The following GRM7 variants were observed in gnomAD, a reference collection of about 807,000 sequenced individuals.
GRM7 encodes glutamate metabotropic receptor 7.
In GRM7, 35 loss-of-function variants were observed where a neutral mutation model predicts 84.5. The observed-to-expected ratio is 0.41, with a 90% CI of 0.32 to 0.55. The LOEUF is 0.55. GRM7 is among the 20% of genes least tolerant of loss of function. The pLI is 0.19. For missense variants in GRM7, 1,003 were observed against 1,194.6 expected (o/e 0.84, Z 2.36); for synonymous variants, 487 against 455.1 (o/e 1.07, Z -0.89).
chr3:7,655,451 A>G (rs1483100993), intron 8 of GRM7, among the ~76,000 whole-genome samples: 39 of 152,190 alleles, frequency 2.6e-4, no homozygotes, highest in Admixed American at 2.6e-3. Flanking sequence ...AATTAAAACC[A>G]TGAATCCAAA....
chr3:7,330,728 G>A lies in GRM7; in HGVS notation c.1033+24076G>A, dbSNP rs763763020. On this transcript the variant is annotated intron_variant, in intron 4 of 9. Transcript: ENST00000357716. ...TGAGGCCTCCCCAGCCACGTGGAAC[G>A]TGAGTTCATTAAAACTCTTTTTCTT... Among the ~76,000 whole-genome samples, 13 of 152,274 alleles carry A rather than the reference G, an allele frequency of 8.5e-5. No individual in the cohort carries two copies. The East Asian group carries it at 9.7e-4, about 11-fold the overall frequency.
At chr3:7,083,422 C>T (rs1698335642) in intron 1 of GRM7, among the ~76,000 whole-genome samples, 1 of 152,132 alleles carries the variant, frequency 6.6e-6, no homozygotes, top group African/African-American at 2.4e-5. Context: ...TTTTCCTGTG[C>T]ACTGGGAAAC....
At chr3:7,465,777 C>T (rs930721106) in intron 7 of GRM7, among the ~76,000 whole-genome samples, 4 of 152,024 alleles carry the variant, frequency 2.6e-5, no homozygotes, top group African/African-American at 9.7e-5. Context: ...TCAGTAATTG[C>T]AAATGAATTT....
At chr3:6,966,908 C>T (rs1693541013) in intron 1 of GRM7, among the ~76,000 whole-genome samples, 1 of 152,124 alleles carries the variant, frequency 6.6e-6, no homozygotes, top group Admixed American at 6.5e-5. Flanking sequence ...GAGGCTTAAC[C>T]TCTTTCACCT....
At chr3:7,415,594 T>G (rs1396037640) in intron 5 of GRM7, among the ~76,000 whole-genome samples, 3 of 152,178 alleles carry the variant, frequency 2.0e-5, no homozygotes, top group Non-Finnish European at 4.4e-5. Flanking sequence ...TGATTTTCAT[T>G]AATGTCTAAG....
At chr3:7,313,412 G>C (rs2125044298) in intron 4 of GRM7, among the ~76,000 whole-genome samples, 1 of 152,222 alleles carries the variant, frequency 6.6e-6, no homozygotes, top group East Asian at 1.9e-4. Flanking sequence ...ATCTACATTA[G>C]TATTTGTTCT....
intron 1 of GRM7, among the ~76,000 whole-genome samples, chr3:6,930,566 G>C (rs1043491279): frequency 6.6e-6 from 1 of 151,956 alleles, no homozygotes; most frequent in African/African-American, 2.4e-5. Flanking sequence ...TCTGAGTTTA[G>C]CTCTTACTAA....
At chr3:7,069,061 A>G (rs1011199432) in intron 1 of GRM7, among the ~76,000 whole-genome samples, 1 of 149,820 alleles carries the variant, frequency 6.7e-6, no homozygotes, top group Non-Finnish European at 1.5e-5. Flanking sequence ...ACATAATTTT[A>G]TATATATATA....
chr3:7,676,340 A>C (rs917086418), intron 8 of GRM7, among the ~76,000 whole-genome samples: 9 of 152,158 alleles, frequency 5.9e-5, no homozygotes, highest in African/African-American at 1.7e-4. Flanking sequence ...TACCTCTGAG[A>C]TCTCTGTGGA....
At chr3:7,508,977 T>C (rs1257273682) in intron 7 of GRM7, among the ~76,000 whole-genome samples, 1 of 152,130 alleles carries the variant, frequency 6.6e-6, no homozygotes, top group African/African-American at 2.4e-5. Flanking sequence ...CTTTTCAAAG[T>C]TTCAATGACC....
chr3:7,730,408 A>G (rs1702283332), intron 9 of GRM7, among the ~76,000 whole-genome samples: 1 of 152,208 alleles, frequency 6.6e-6, no homozygotes, highest in Non-Finnish European at 1.5e-5. Context: ...ACATGGCTAC[A>G]TCCCTATTGC....
At chr3:7,632,056 A>G (rs3864066) in intron 8 of GRM7, among the ~76,000 whole-genome samples, 107,752 of 152,046 alleles carry the variant, frequency 0.71, 38,477 homozygotes, top group South Asian at 0.79. Context: ...AGAAAGAACA[A>G]TACACAGGCC....
intron 4 of GRM7, among the ~76,000 whole-genome samples, chr3:7,369,087 C>T (rs1694029341): frequency 6.6e-6 from 1 of 152,048 alleles, no homozygotes; most frequent in Non-Finnish European, 1.5e-5. Flanking sequence ...GAGGCAGGGT[C>T]TTTCTCTGTC....
intron 1 of GRM7, among the ~76,000 whole-genome samples, chr3:6,888,000 C>T (rs1189301951): frequency 4.6e-5 from 7 of 152,130 alleles, no homozygotes; most frequent in Non-Finnish European, 8.8e-5. Context: ...AGCATTTTTT[C>T]ATGTGTTTTT....
intron 9 of GRM7, among the ~76,000 whole-genome samples, chr3:7,736,040 A>G (rs1407565691): frequency 6.6e-5 from 10 of 152,106 alleles, no homozygotes; most frequent in Admixed American, 6.5e-4. Flanking sequence ...ACACCCACCA[A>G]TGCTTGGTAT....
At position 7,367,392 on chromosome 3, in the gene GRM7, T is replaced by C. The variant is rs550494326; in HGVS notation, c.1034-47631T>C. 4.6e-5 allele frequency among the ~76,000 whole-genome samples: 7 copies of C among 152,020 alleles called. No individual in the cohort carries two copies. In the South Asian group the frequency reaches 6.2e-4, roughly 14 times the overall value. ...GGTATTTTGTTTGTAAGAATGGTAATGGTCTAAAACCTAAATAAATCCAAC... is the reference window on the plus strand; with the variant it reads ...GGTATTTTGTTTGTAAGAATGGTAACGGTCTAAAACCTAAATAAATCCAAC... On this transcript the variant is annotated intron_variant, in intron 4 of 9. Coordinates refer to ENST00000357716, the MANE Select transcript of GRM7 (RefSeq NM_000844.4).
chr3:7,658,295 T>C (rs965456281), intron 8 of GRM7, among the ~76,000 whole-genome samples: 2 of 152,228 alleles, frequency 1.3e-5, no homozygotes, highest in African/African-American at 2.4e-5. Flanking sequence ...GCTCACTGTA[T>C]AGCTTTTGAG....
intron 9 of GRM7, among the ~76,000 whole-genome samples, chr3:7,719,779 AACACACACACACACACACACACAC>A (rs71043692): frequency 3.7e-5 from 5 of 133,540 alleles, no homozygotes; most frequent in Admixed American, 7.6e-5. Context: ...ACCACTGGGC[AACACACACACACACACACACACAC>A]ACACACACAC....
intron 8 of GRM7, among the ~76,000 whole-genome samples, chr3:7,584,862 G>A (rs963412033): frequency 2.0e-5 from 3 of 152,054 alleles, no homozygotes; most frequent in Non-Finnish European, 4.4e-5. Context: ...GTTTAATTTA[G>A]AAAATAACAT....
Sources: gnomAD v4.1 joint callset for allele counts (sites outside exome capture counted in the v4.1 genomes callset) on GRCh38, gnomAD v4.1.1 for gene constraint, MANE v1.5 for transcripts, NCBI Gene and HGNC (gene_info 2026-07-23, HGNC 2026-07-21) for gene names.